AGO3: variants seen among roughly 807,000 people sequenced by gnomAD.
The protein encoded by AGO3 is argonaute RISC catalytic component 3.
A neutral mutation model predicts 105.5 loss-of-function variants in AGO3; 16 were observed. That is an observed-to-expected ratio of 0.15 (90% CI 0.10 to 0.23). The LOEUF is 0.23. AGO3 is among the 10% of genes least tolerant of loss of function. The probability of loss-of-function intolerance (pLI) is 1.00; values close to 1 mark genes in which losing one functional copy is unlikely to be tolerated. For synonymous variants in AGO3, 340 were observed against 367.3 expected (o/e 0.93, Z 0.85); for missense variants, 534 against 1,088.0 (o/e 0.49, Z 7.16).
intron 9 of AGO3, among the ~76,000 whole-genome samples, chr1:36,010,854 C>G (rs538422808): frequency 1.6e-5 from 2 of 126,106 alleles, no homozygotes; most frequent in African/African-American, 5.9e-5. Flanking sequence ...TGCGGTGAGT[C>G]GGGATTGTGC....
At chr1:35,977,081 A>T (rs996942318) in intron 5 of AGO3, among the ~76,000 whole-genome samples, 1 of 151,924 alleles carries the variant, frequency 6.6e-6, no homozygotes, top group Non-Finnish European at 1.5e-5. Context: ...TTTATCGTAC[A>T]ATTAAAAATA....
chr1:36,053,065 T>C (rs1476337547), intron 17 of AGO3, among the ~76,000 whole-genome samples: 1 of 152,192 alleles, frequency 6.6e-6, no homozygotes, highest in Admixed American at 6.5e-5. Context: ...GATGACTGTA[T>C]TTTAAAAATC....
At chr1:35,960,134 G>A (rs983135045) in intron 2 of AGO3, among the ~76,000 whole-genome samples, 5 of 151,858 alleles carry the variant, frequency 3.3e-5, no homozygotes, top group Non-Finnish European at 5.9e-5. Context: ...AAGTTTCATC[G>A]TAATATAATA....
At chr1:35,962,273 G>A (rs554053670) in intron 2 of AGO3, among the ~76,000 whole-genome samples, 133 of 152,248 alleles carry the variant, frequency 8.7e-4, no homozygotes, top group Non-Finnish European at 1.5e-3. Context: ...GCCAGGCGCC[G>A]TGGCTCACAC....
At chr1:36,045,228 C>T (rs978713042) in intron 17 of AGO3, among the ~76,000 whole-genome samples, 2 of 151,738 alleles carry the variant, frequency 1.3e-5, no homozygotes, top group African/African-American at 2.4e-5. Context: ...TAAACAACTA[C>T]ATTTTTTTTT....
Position 36,059,555 on chromosome 1 carries a change from T to G in AGO3, c.*3810T>G, listed in dbSNP as rs1405276234. Reference sequence around the variant, plus strand: ...GACTGTAAAATATCAGTCTGGCAACTAGATAATTGATTTTCATATGAAGAA... The same window carrying G: ...GACTGTAAAATATCAGTCTGGCAACGAGATAATTGATTTTCATATGAAGAA... On this transcript the variant is annotated 3_prime_UTR_variant, in exon 19 of 19. Coordinates refer to ENST00000373191, the MANE Select transcript of AGO3 (RefSeq NM_024852.4). 1.3e-5 allele frequency: 2 copies of G among 150,910 alleles called. No homozygotes were observed. The highest frequency in any genetic ancestry group is 2.9e-5 in the Non-Finnish European group (2 of 67,854). The allele number at this position is 150,910 out of a possible 1,614,324, so 9.3% of individuals were successfully genotyped here. A position where few individuals can be genotyped will look rare whatever the true frequency, so the allele number is the denominator to read the frequency against.
At chr1:35,945,900 T>G (rs747971290) in intron 2 of AGO3, 37 bp downstream of exon 2, 1 of 1,576,404 alleles carries the variant, frequency 6.3e-7, no homozygotes, top group South Asian at 1.1e-5. Context: ...TTTTGCTATT[T>G]TTTTCCTTAG....
At chr1:36,034,628 GGCTCAA>G (rs1181725359) in intron 13 of AGO3, among the ~76,000 whole-genome samples, 5 of 152,320 alleles carry the variant, frequency 3.3e-5, no homozygotes, top group African/African-American at 1.2e-4. Context: ...GGTGGGAGCA[GGCTCAA>G]GCCCCAAAAA....
chr1:36,012,730 C>A (rs916041147), intron 9 of AGO3, among the ~76,000 whole-genome samples: 1 of 152,030 alleles, frequency 6.6e-6, no homozygotes, highest in African/African-American at 2.4e-5. Context: ...TGAGATATTT[C>A]TTTCTCCATC....
chr1:36,004,549 C>G, intron 6 of AGO3, 74 bp downstream of exon 6: 1 of 1,312,764 alleles, frequency 7.6e-7, no homozygotes, highest in Non-Finnish European at 1.0e-6. Flanking sequence ...AAAATGTTTT[C>G]TTATATAATT....
intron 2 of AGO3, among the ~76,000 whole-genome samples, chr1:35,966,580 T>C (rs775331417): frequency 6.6e-6 from 1 of 152,194 alleles, no homozygotes; most frequent in African/African-American, 2.4e-5. Flanking sequence ...AATAGAGATA[T>C]GTACTAGGTG....
chr1:36,041,100 A>C (rs1642226352), intron 16 of AGO3, among the ~76,000 whole-genome samples: 1 of 151,176 alleles, frequency 6.6e-6, no homozygotes, highest in Non-Finnish European at 1.5e-5. Context: ...AAAAAGTGGA[A>C]ATTTATACAA....
At chr1:36,037,951 C>T (rs1031058416) in intron 14 of AGO3, among the ~76,000 whole-genome samples, 1 of 152,138 alleles carries the variant, frequency 6.6e-6, no homozygotes, top group East Asian at 1.9e-4. Flanking sequence ...ACCAAATACC[C>T]ACTTTCTTTT....
chr1:35,969,101 T>C (rs1251906972), intron 3 of AGO3, among the ~76,000 whole-genome samples: 1 of 152,112 alleles, frequency 6.6e-6, no homozygotes, highest in Non-Finnish European at 1.5e-5. Flanking sequence ...GGGTTGTTTG[T>C]TTTGGGTTTT....
chr1:35,997,507 T>C (rs1292146479), intron 5 of AGO3, among the ~76,000 whole-genome samples: 1 of 152,178 alleles, frequency 6.6e-6, no homozygotes. Context: ...GGGTACAGTG[T>C]ACTGTGTTGC....
intron 1 of AGO3, among the ~76,000 whole-genome samples, chr1:35,940,665 C>T (rs1217084214): frequency 6.6e-6 from 1 of 152,162 alleles, no homozygotes; most frequent in Middle Eastern, 3.2e-3. Flanking sequence ...TAGCACTTGA[C>T]TGGAATTGTT....
chr1:35,973,164 A>G lies in AGO3; in HGVS notation c.522-211A>G, dbSNP rs146582776. The stretch of plus-strand genomic sequence containing the variant: ...TTAAATAAAATTTATTCTTATTTCA[A>G]CCAACAATTTTGAGAAAGGAAAATT... On this transcript the variant is annotated intron_variant, in intron 4 of 18. Transcript: ENST00000373191. 0.011 allele frequency among the ~76,000 whole-genome samples: 1,730 copies of G among 152,264 alleles called. 18 individuals are homozygous for G. The highest frequency in any genetic ancestry group is 0.017 in the Non-Finnish European group (1,166 of 68,026).
At chr1:36,032,166 C>T (rs1641809570) in intron 12 of AGO3, among the ~76,000 whole-genome samples, 1 of 152,072 alleles carries the variant, frequency 6.6e-6, no homozygotes, top group Admixed American at 6.6e-5. Flanking sequence ...TTTTACATGC[C>T]CACCAACAGC....
At chr1:36,038,522 T>C (rs1409663023) in intron 14 of AGO3, among the ~76,000 whole-genome samples, 1 of 152,150 alleles carries the variant, frequency 6.6e-6, no homozygotes, top group South Asian at 2.1e-4. Context: ...CCCAAAGTTC[T>C]GGGATTACAG....
Sources: allele counts gnomAD v4.1 joint callset (sites outside exome capture counted in the v4.1 genomes callset), GRCh38; gene constraint gnomAD v4.1.1; transcripts MANE v1.5; gene names NCBI Gene and HGNC (gene_info 2026-07-23, HGNC 2026-07-21).